ATP9B: variants seen among roughly 807,000 people sequenced by gnomAD.
ATP9B encodes the protein probable phospholipid-transporting ATPase IIB.
ATP9B carries 110 observed loss-of-function variants against 146.1 expected under a neutral mutation model. The ratio of observed to expected loss-of-function variants is 0.75; its 90% CI spans 0.65 to 0.88. ATP9B has a LOEUF of 0.88. Ranked by LOEUF, ATP9B falls within the 40% of genes least tolerant of loss-of-function variation. ATP9B has a pLI of 0.00. For synonymous variants in ATP9B, 604 were observed against 569.7 expected (o/e 1.06, Z -0.86); for missense variants, 1,499 against 1,496.4 (o/e 1.00, Z -0.03).
intron 11 of ATP9B, among the ~76,000 whole-genome samples, chr18:79,224,861 G>C (rs1359403192): frequency 2.0e-5 from 3 of 152,116 alleles, no homozygotes; most frequent in Non-Finnish European, 4.4e-5. Context: ...GGTTATGGCT[G>C]CAGCTAGGAA....
At chr18:79,376,026 G>T (rs1280169642) in intron 29 of ATP9B, 1 of 985,116 alleles carries the variant, frequency 1.0e-6, no homozygotes, top group Admixed American at 6.2e-5. Flanking sequence ...TGGAGATGCT[G>T]GGAGGGTGAC....
rs375570756 is a variant in ATP9B at position 79,340,519 on chromosome 18, G to A, written c.2284-1749G>A. 4.6e-5 allele frequency: 7 copies of A among 152,244 alleles called. No individual in the cohort carries two copies. In the South Asian group the frequency reaches 6.2e-4, roughly 14 times the overall value. The allele number at this position is 152,244 out of a possible 1,614,324, so 9.4% of individuals were successfully genotyped here. A position where few individuals can be genotyped will look rare whatever the true frequency, so the allele number is the denominator to read the frequency against. ...CACTGAGAAGAGCCACAGGTGGAGC[G>A]TGCTTAAGCAGATAATCAGTACACT... is the stretch of plus-strand genomic sequence containing the variant. On this transcript the variant is annotated intron_variant, in intron 19 of 29. Coordinates refer to ENST00000426216, the MANE Select transcript of ATP9B (RefSeq NM_198531.5).
At chr18:79,305,005 G>C (rs999640241) in intron 14 of ATP9B, among the ~76,000 whole-genome samples, 2 of 152,084 alleles carry the variant, frequency 1.3e-5, no homozygotes, top group African/African-American at 2.4e-5. Flanking sequence ...TCCCAGCGCT[G>C]CACGGCACTG....
At chr18:79,332,279 A>C (rs1386606559) in intron 17 of ATP9B, among the ~76,000 whole-genome samples, 1 of 152,088 alleles carries the variant, frequency 6.6e-6, no homozygotes, top group South Asian at 2.1e-4. Context: ...AATACAAAAA[A>C]TTAGCCGGGT....
intron 26 of ATP9B, among the ~76,000 whole-genome samples, chr18:79,371,112 A>G (rs6506761): frequency 0.94 from 142,487 of 152,222 alleles, 66,782 homozygotes; most frequent in East Asian, 1. Flanking sequence ...GGTGGCTCAC[A>G]CCTGTAATCC....
chr18:79,236,833 C>A (rs1210528326), intron 11 of ATP9B, among the ~76,000 whole-genome samples: 1 of 140,582 alleles, frequency 7.1e-6, no homozygotes, highest in Admixed American at 7.0e-5. Context: ...AGTGTCCACA[C>A]CTGCCCCTTC....
At chr18:79,281,446 G>T (rs556071822) in intron 13 of ATP9B, among the ~76,000 whole-genome samples, 1 of 151,806 alleles carries the variant, frequency 6.6e-6, no homozygotes, top group Non-Finnish European at 1.5e-5. Context: ...CTGGTGAGGC[G>T]AGATCACGCC....
chr18:79,079,149 T>C (rs986684798), intron 1 of ATP9B, among the ~76,000 whole-genome samples: 1 of 152,228 alleles, frequency 6.6e-6, no homozygotes, highest in Non-Finnish European at 1.5e-5. Context: ...TATAGTAGAA[T>C]GATTTATAAT....
intron 12 of ATP9B, among the ~76,000 whole-genome samples, chr18:79,262,856 T>C (rs1028482856): frequency 8.5e-5 from 13 of 152,218 alleles, no homozygotes; most frequent in African/African-American, 3.1e-4. Context: ...AAATCTCTTA[T>C]TAGTTATAGC....
intron 12 of ATP9B, among the ~76,000 whole-genome samples, chr18:79,262,164 A>G (rs528390439): frequency 1.3e-5 from 2 of 151,612 alleles, no homozygotes; most frequent in African/African-American, 4.8e-5. Flanking sequence ...ATAGAAGTAA[A>G]AATTATCTGA....
intron 2 of ATP9B, among the ~76,000 whole-genome samples, chr18:79,101,273 T>C (rs1269121270): frequency 6.6e-6 from 1 of 152,180 alleles, no homozygotes; most frequent in East Asian, 1.9e-4. Context: ...CATCTCGTTT[T>C]AATATCAAGA....
chr18:79,332,395 C>G (rs1319343140), intron 17 of ATP9B, among the ~76,000 whole-genome samples: 15 of 152,312 alleles, frequency 9.8e-5, no homozygotes, highest in Admixed American at 1.3e-4. Context: ...CGACACTGCA[C>G]TCCAGCCTGG....
chr18:79,342,234 T>G (rs2096863409), intron 19 of ATP9B, 34 bp from the exon 20 acceptor site: 1 of 1,511,080 alleles, frequency 6.6e-7, no homozygotes, highest in Admixed American at 1.7e-5. Flanking sequence ...TGTCCTTGTC[T>G]TGTTGAAATT....
In ATP9B at chr18:79,377,751, C is replaced by T. The variant is rs574046690; in HGVS notation, c.*368C>T. 33 of 225,182 alleles carry T rather than the reference C, an allele frequency of 1.5e-4. No homozygotes were observed. Among genetic ancestry groups the T allele is most frequent in the African/African-American group, 7.5e-4 (33 of 43,994 alleles). The allele number at this position is 225,182 out of a possible 1,614,324, so 13.9% of individuals were successfully genotyped here. A position where few individuals can be genotyped will look rare whatever the true frequency, so the allele number is the denominator to read the frequency against. ...AGAGGCCGGGACGGCCTCTCCCTCT[C>T]AGTGTGAGGCTTCACCCATGCTAGG... On this transcript the variant is annotated 3_prime_UTR_variant, in exon 30 of 30. Transcript: ENST00000426216.
chr18:79,278,852 TA>T (rs1568560423), intron 13 of ATP9B, among the ~76,000 whole-genome samples: 2 of 151,914 alleles, frequency 1.3e-5, no homozygotes, highest in African/African-American at 4.8e-5. Context: ...AAAGAATAAA[TA>T]AATCCATGGT....
At chr18:79,267,167 C>A (rs527419577) in intron 12 of ATP9B, among the ~76,000 whole-genome samples, 4 of 151,982 alleles carry the variant, frequency 2.6e-5, no homozygotes, top group Non-Finnish European at 5.9e-5. Flanking sequence ...GTTTTCAATT[C>A]GTAATCAAGT....
chr18:79,290,609 G>C (rs2096493496), intron 13 of ATP9B, among the ~76,000 whole-genome samples: 1 of 152,302 alleles, frequency 6.6e-6, no homozygotes, highest in African/African-American at 2.4e-5. Context: ...CGCGCAACAT[G>C]CGCTGCACCC....
At chr18:79,354,595 AACCCAGCCCCACTTCCGG>A (rs2096940189) in intron 25 of ATP9B, 1 of 133,544 alleles carries the variant, frequency 7.5e-6, no homozygotes, top group African/African-American at 2.8e-5. Context: ...AAAAAAAAAA[AACCCAGCCCCACTTCCGG>A]CCCAGCTCCA....
chr18:79,281,740 G>T (rs1250661025), intron 13 of ATP9B, among the ~76,000 whole-genome samples: 1 of 151,700 alleles, frequency 6.6e-6, no homozygotes, highest in Non-Finnish European at 1.5e-5. Context: ...AAAATCTTCT[G>T]GGGCCAGGTG....
Sources: allele counts gnomAD v4.1 joint callset (sites outside exome capture counted in the v4.1 genomes callset), GRCh38; gene constraint gnomAD v4.1.1; transcripts MANE v1.5; gene names NCBI Gene and HGNC (gene_info 2026-07-23, HGNC 2026-07-21).